The following SUFU variants were observed in gnomAD, a reference collection of about 807,000 sequenced individuals.
SUFU encodes the protein suppressor of fused homolog.
In SUFU, 7 loss-of-function variants were observed where a neutral mutation model predicts 58.9. The ratio of observed to expected loss-of-function variants is 0.12; its 90% CI spans 0.07 to 0.22. The LOEUF is 0.22. Among genes scored for constraint, SUFU ranks in the 10% least tolerant of loss-of-function variants. SUFU has a pLI of 1.00. For synonymous variants in SUFU, 232 were observed against 254.8 expected, an observed-to-expected ratio of 0.91 and a Z score of 0.85; for missense variants, 451 against 641.3, an observed-to-expected ratio of 0.70 and a Z score of 3.20.
At chr10:102,590,160 C>CTTTTT (rs1287182435) in intron 3 of SUFU, among the ~76,000 whole-genome samples, 10 of 46,476 alleles carry the variant, frequency 2.2e-4, no homozygotes, top group African/African-American at 8.0e-4. Context: ...TTTCTTTTTT[C>CTTTTT]TTTTTTTTTT....
rs543011737 is a variant in SUFU at position 102,548,316 on chromosome 10, A to C, written c.318-1654A>C. On this transcript the variant is annotated intron_variant, in intron 2 of 11. Transcript: ENST00000369902. ...TGCAAAGTGCAGGAGGTCTGGGTTC[A>C]CCCAGGCACAGAAAACTAGGACAGA... 3.3e-5 allele frequency among the ~76,000 whole-genome samples: 5 copies of C among 152,304 alleles called. No individual in the cohort carries two copies. In the South Asian group the frequency reaches 8.3e-4, roughly 25 times the overall value.
intron 4 of SUFU, 81 bp from the exon 5 acceptor site, chr10:102,593,554 AC>A (rs2063426646): frequency 7.2e-7 from 1 of 1,386,376 alleles, no homozygotes; most frequent in Non-Finnish European, 1.0e-6. Flanking sequence ...ACTGGAGGTG[AC>A]TCAGAGAGCC....
chr10:102,559,180 T>C (rs887187603), intron 3 of SUFU, among the ~76,000 whole-genome samples: 1 of 152,186 alleles, frequency 6.6e-6, no homozygotes, highest in South Asian at 2.1e-4. Flanking sequence ...CCTTTAAAGA[T>C]GAACCAAAAC....
chr10:102,549,745 G>A (rs1015982446), intron 2 of SUFU, among the ~76,000 whole-genome samples: 2 of 152,140 alleles, frequency 1.3e-5, no homozygotes, highest in Admixed American at 1.3e-4. Context: ...CCAGGCCAAG[G>A]TCACATCCAC....
At chr10:102,527,002 T>G (rs1042585786) in intron 2 of SUFU, among the ~76,000 whole-genome samples, 2 of 142,224 alleles carry the variant, frequency 1.4e-5, no homozygotes, top group African/African-American at 2.6e-5. Flanking sequence ...TGTTTTTTTT[T>G]TTTTTTTTTT....
intron 10 of SUFU, chr10:102,618,931 CGTGT>C (rs59259635): frequency 0.12 from 70,856 of 568,476 alleles, 1,107 homozygotes; most frequent in Non-Finnish European, 0.13. Context: ...CCTCAGGTAG[CGTGT>C]GTGTGTGTGT....
At position 102,628,792 on chromosome 10, in the gene SUFU, C is replaced by A. The variant is rs12357172; in HGVS notation, c.1366-1274C>A. Among the ~76,000 whole-genome samples, 56 of 152,110 alleles carry A rather than the reference C, an allele frequency of 3.7e-4. No homozygotes were observed. The highest frequency in any genetic ancestry group is 1.1e-3 in the African/African-American group (47 of 41,508). ...GGCTCGTCTGCCTCCAGCCCCAGAC[C>A]GAGGCAGGCTGAGAACACTGTTCTC... On this transcript the variant is annotated intron_variant, in intron 11 of 11. Transcript: ENST00000369902. The surrounding 1 kb of genome is among the most constrained non-coding windows in gnomAD (Gnocchi z 4.5).
At chr10:102,611,692 A>C (rs1295654794) in intron 8 of SUFU, among the ~76,000 whole-genome samples, 1 of 152,260 alleles carries the variant, frequency 6.6e-6, no homozygotes, top group African/African-American at 2.4e-5. Flanking sequence ...ACTACATCCC[A>C]GGCACTATTG....
intron 2 of SUFU, among the ~76,000 whole-genome samples, chr10:102,526,408 T>C (rs1317842851): frequency 6.6e-6 from 1 of 150,848 alleles, no homozygotes; most frequent in Non-Finnish European, 1.5e-5. Context: ...CAAAAATTAG[T>C]CAGGCATGGT....
chr10:102,512,257 A>G (rs560416974), intron 2 of SUFU, among the ~76,000 whole-genome samples: 1 of 152,344 alleles, frequency 6.6e-6, no homozygotes, highest in South Asian at 2.1e-4. Context: ...CAGTATTAAT[A>G]ATGGAGATAG....
At position 102,625,034 on chromosome 10, in the gene SUFU, A is replaced by G. The variant is rs1284157829; in HGVS notation, c.1297-2141A>G. Reference sequence around the variant, plus strand: ...TTTTAGGTATGCTTGTGTTTGTGCTAGCATTTGCAGAGATGGCAACGAGCC... The same window carrying G: ...TTTTAGGTATGCTTGTGTTTGTGCTGGCATTTGCAGAGATGGCAACGAGCC... On this transcript the variant is annotated intron_variant, in intron 10 of 11. Transcript: ENST00000369902. This position sits in a 1 kb window ranked among gnomAD's most constrained non-coding sequence, Gnocchi z 4.7. 3.3e-5 allele frequency among the ~76,000 whole-genome samples: 5 copies of G among 152,242 alleles called. No individual in the cohort carries two copies. In the East Asian group the frequency reaches 9.6e-4, roughly 29 times the overall value.
chr10:102,550,113 G>T lies in SUFU; in HGVS notation c.454+7G>T, dbSNP rs1455598793. ...CGATACGTGTTCCAGTCAGGTAGGA[G>T]GCCAGGGCTGGCTGCTGTGCTGGTC... On this transcript the variant is annotated splice_region_variant and intron_variant, in intron 3 of 11. Transcript: ENST00000369902. 7 of 1,614,032 alleles carry T rather than the reference G, an allele frequency of 4.3e-6. No homozygotes were observed. Among genetic ancestry groups the T allele is most frequent in the Non-Finnish European group, 5.9e-6 (7 of 1,180,014 alleles).
chr10:102,516,739 G>T (rs1340802257), intron 2 of SUFU, among the ~76,000 whole-genome samples: 1 of 151,794 alleles, frequency 6.6e-6, no homozygotes, highest in Non-Finnish European at 1.5e-5. Context: ...GTAGAGATGA[G>T]GTTTCACCAT....
At chr10:102,509,694 T>C (rs1007637399) in intron 2 of SUFU, among the ~76,000 whole-genome samples, 1 of 152,224 alleles carries the variant, frequency 6.6e-6, no homozygotes, top group African/African-American at 2.4e-5. Flanking sequence ...TGAACACTCA[T>C]ATACCCACAA....
At chr10:102,542,956 A>G (rs912457199) in intron 2 of SUFU, among the ~76,000 whole-genome samples, 23 of 152,214 alleles carry the variant, frequency 1.5e-4, no homozygotes, top group Admixed American at 1.4e-3. Flanking sequence ...CAGTGTTTAT[A>G]CCAATTTGTA....
At chr10:102,520,962 G>A (rs373766569) in intron 2 of SUFU, among the ~76,000 whole-genome samples, 81 of 152,264 alleles carry the variant, frequency 5.3e-4, no homozygotes, top group African/African-American at 1.9e-3. Flanking sequence ...GTGGACATAC[G>A]TTTTCAACTC....
At chr10:102,513,870 T>A (rs2062432009) in intron 2 of SUFU, among the ~76,000 whole-genome samples, 1 of 152,198 alleles carries the variant, frequency 6.6e-6, no homozygotes, top group Admixed American at 6.5e-5. Context: ...TCTCCTTTTT[T>A]AAACTGATAT....
At chr10:102,603,711 C>T (rs1250285840) in intron 8 of SUFU, among the ~76,000 whole-genome samples, 1 of 152,126 alleles carries the variant, frequency 6.6e-6, no homozygotes, top group Non-Finnish European at 1.5e-5. Context: ...TTTGCAACAC[C>T]TCCCCAACAT....
intron 2 of SUFU, among the ~76,000 whole-genome samples, chr10:102,549,167 T>G (rs1215671574): frequency 6.6e-6 from 1 of 152,026 alleles, no homozygotes; most frequent in Non-Finnish European, 1.5e-5. Flanking sequence ...GGAGAAAGGG[T>G]CTCATCCTCA....
Sources: allele counts gnomAD v4.1 joint callset (sites outside exome capture counted in the v4.1 genomes callset), GRCh38; gene constraint gnomAD v4.1.1; non-coding constraint Gnocchi (gnomAD v3.1); transcripts MANE v1.5; gene names NCBI Gene and HGNC (gene_info 2026-07-23, HGNC 2026-07-21).